PPIP5K2: variants seen among roughly 807,000 people sequenced by gnomAD.
PPIP5K2 encodes inositol hexakisphosphate and diphosphoinositol-pentakisphosphate kinase 2.
A neutral mutation model predicts 154.6 loss-of-function variants in PPIP5K2; 105 were observed. The ratio of observed to expected loss-of-function variants is 0.68; its 90% CI spans 0.58 to 0.80. The LOEUF (loss-of-function observed/expected upper bound fraction) is 0.80, where lower values mean the gene tolerates loss of function less well. Among genes scored for constraint, PPIP5K2 ranks in the 30% least tolerant of loss-of-function variants. The pLI, the probability that PPIP5K2 is intolerant of heterozygous loss-of-function variation, is 0.00. For synonymous variants in PPIP5K2, 480 were observed against 490.3 expected (o/e 0.98, Z 0.28); for missense variants, 992 against 1,504.6 (o/e 0.66, Z 5.64).
rs562284417 is a variant in PPIP5K2, at chr5:103,143,467, G to A, written c.488-3060G>A. Among the ~76,000 whole-genome samples, 28 of 152,306 alleles carry A rather than the reference G, an allele frequency of 1.8e-4. No individual in the cohort carries two copies. The South Asian group carries it at 5.2e-3, about 28-fold the overall frequency. On this transcript the variant is annotated intron_variant, in intron 5 of 30. Transcript: ENST00000358359. ...CTCCAGAAGTGCTGGGGACCATCAT[G>A]CCCCGGCAGAAAATCACTTTGCCAC... is the stretch of plus-strand genomic sequence containing the variant.
Position 103,205,314 on chromosome 5 carries a change from G to A in PPIP5K2, c.*3680G>A, listed in dbSNP as rs1803450369. ...TGCCACAATAAACATACGTGTGCATGTGTCTTTATAGTGGCATGATTTATA... is the reference window on the plus strand; with the variant it reads ...TGCCACAATAAACATACGTGTGCATATGTCTTTATAGTGGCATGATTTATA... On this transcript the variant is annotated 3_prime_UTR_variant, in exon 31 of 31. Transcript: ENST00000358359. 1 of 152,188 alleles carries A rather than the reference G, an allele frequency of 6.6e-6. No individual in the cohort carries two copies. Among genetic ancestry groups the A allele is most frequent in the Admixed American group, 6.5e-5 (1 of 15,278 alleles). The allele number at this position is 152,188 out of a possible 1,614,324, so 9.4% of individuals were successfully genotyped here.
chr5:103,206,076 G>A lies in PPIP5K2; in HGVS notation c.*4442G>A, dbSNP rs1294520194. ...TGCTTTAAAATTCTTTTGTCTTTCT[G>A]TAACAATACTTTCCACTGCAAGTAG... On this transcript the variant is annotated 3_prime_UTR_variant, in exon 31 of 31. Transcript: ENST00000358359. 3 of 151,998 alleles carry A rather than the reference G, an allele frequency of 2.0e-5. No homozygotes were observed. Among genetic ancestry groups the A allele is most frequent in the East Asian group, 3.9e-4 (2 of 5,190 alleles). 9.4% of individuals were successfully genotyped at this position (151,998 alleles called of 1,614,324 possible). A position where few individuals can be genotyped will look rare whatever the true frequency, so the allele number is the denominator to read the frequency against.
chr5:103,147,501 T>C (rs912046485), intron 6 of PPIP5K2, among the ~76,000 whole-genome samples: 6 of 151,998 alleles, frequency 3.9e-5, no homozygotes, highest in Non-Finnish European at 8.8e-5. Flanking sequence ...GAAACACTCA[T>C]ACATGTTTGC....
At chr5:103,187,495 G>A in intron 28 of PPIP5K2, 119 bp downstream of exon 28, 1 of 765,012 alleles carries the variant, frequency 1.3e-6, no homozygotes, top group Non-Finnish European at 2.0e-6. Context: ...ATGTCAATTG[G>A]CGTACAATTC....
In PPIP5K2 at chr5:103,201,535, T is replaced by C; in HGVS notation, c.3633T>C (p.Pro1211=). The change falls in exon 31 of 31, where the codon CCT becomes CCC. Residue 1211 remains proline, a synonymous_variant. Transcript: ENST00000358359. ...TGTTTTATGTAGCTACAAGTGGACC[T>C]TCTAGTGCAGTTGTTCCTAATACCT... is the stretch of plus-strand genomic sequence containing the variant. ...KASSKPATSG[P]SSAVVPNTSS... The C allele has an allele frequency of 6.3e-7, 1 of 1,599,646 alleles. No individual in the cohort carries two copies. The highest frequency in any genetic ancestry group is 8.5e-7 in the Non-Finnish European group (1 of 1,174,050).
In PPIP5K2 at chr5:103,201,887, T is replaced by C; in HGVS notation, c.*253T>C. 5.4e-6 allele frequency: 2 copies of C among 367,516 alleles called. No homozygotes were observed. The highest frequency in any genetic ancestry group is 9.9e-6 in the Non-Finnish European group (2 of 201,766). The allele number at this position is 367,516 out of a possible 1,614,324, so 22.8% of individuals were successfully genotyped here. ...GATGTTTACCATGTGCACATAGTAATGAAAAGGAACATAAAAGCCCAGCAG... is the reference window on the plus strand; with the variant it reads ...GATGTTTACCATGTGCACATAGTAACGAAAAGGAACATAAAAGCCCAGCAG... On this transcript the variant is annotated 3_prime_UTR_variant, in exon 31 of 31. Coordinates refer to ENST00000358359, the MANE Select transcript of PPIP5K2 (RefSeq NM_001276277.3).
chr5:103,159,029 T>G (rs1554214716), intron 16 of PPIP5K2, 117 bp from the exon 17 acceptor site: 46 of 689,896 alleles, frequency 6.7e-5, no homozygotes, highest in Middle Eastern at 4.1e-4. Flanking sequence ...ACTGTAGTAT[T>G]AATAAAGTTT....
intron 14 of PPIP5K2, among the ~76,000 whole-genome samples, chr5:103,156,738 A>G (rs2149597394): frequency 6.6e-6 from 1 of 152,302 alleles, no homozygotes; most frequent in Non-Finnish European, 1.5e-5. Context: ...GCAATATATC[A>G]AAAACTTCAG....
intron 30 of PPIP5K2, 126 bp from the exon 31 acceptor site, chr5:103,201,396 T>C (rs1286313968): frequency 5.0e-6 from 3 of 603,986 alleles, no homozygotes; most frequent in Non-Finnish European, 8.4e-6. Context: ...TATATTAAAT[T>C]TTTACATTTC....
At chr5:103,171,877 T>G (rs1420649599) in intron 19 of PPIP5K2, among the ~76,000 whole-genome samples, 2 of 151,642 alleles carry the variant, frequency 1.3e-5, no homozygotes, top group African/African-American at 4.8e-5. Context: ...AGAACTTCTT[T>G]CCATGCCAAT....
At chr5:103,152,578 C>T in intron 9 of PPIP5K2, 70 bp from the exon 10 acceptor site, 1 of 884,470 alleles carries the variant, frequency 1.1e-6, no homozygotes, top group South Asian at 1.5e-5. Flanking sequence ...GATTCTCTCT[C>T]ATCCTCATTA....
intron 10 of PPIP5K2, among the ~76,000 whole-genome samples, chr5:103,153,002 G>T (rs78716769): frequency 1.3e-5 from 2 of 151,680 alleles, no homozygotes; most frequent in Middle Eastern, 3.2e-3. Context: ...GGTACCAATA[G>T]GAATGTTACT....
chr5:103,141,228 G>T (rs1554206616), intron 5 of PPIP5K2, among the ~76,000 whole-genome samples: 1 of 152,130 alleles, frequency 6.6e-6, no homozygotes, highest in Admixed American at 6.5e-5. Context: ...AGACCCTCGC[G>T]GTGAGTGTTA....
At chr5:103,168,370 G>A in intron 19 of PPIP5K2, 75 bp downstream of exon 19, 1 of 1,203,120 alleles carries the variant, frequency 8.3e-7, no homozygotes, top group Non-Finnish European at 1.2e-6. Context: ...TGGATAAAAA[G>A]GTAGTTGGTT....
At position 103,201,686 on chromosome 5, in the gene PPIP5K2, A is replaced by G. The variant is rs1803049637; in HGVS notation, c.*52A>G. 2 of 1,259,846 alleles carry G rather than the reference A, an allele frequency of 1.6e-6. No homozygotes were observed. Among genetic ancestry groups the G allele is most frequent in the Non-Finnish European group, 2.2e-6 (2 of 898,574 alleles). 78.0% of individuals were successfully genotyped at this position (1,259,846 alleles called of 1,614,324 possible). ...ATACTTATAAAAATAGTATGTTCTT[A>G]TGTTTCTCCTTATGCATTTATGTGT... On this transcript the variant is annotated 3_prime_UTR_variant, in exon 31 of 31. Transcript: ENST00000358359.
At chr5:103,142,955 C>T (rs1043546178) in intron 5 of PPIP5K2, among the ~76,000 whole-genome samples, 2 of 151,808 alleles carry the variant, frequency 1.3e-5, no homozygotes, top group Non-Finnish European at 2.9e-5. Flanking sequence ...CAACTTTTTA[C>T]GAGTATAGAA....
At chr5:103,123,869 A>G (rs1554199839) in intron 1 of PPIP5K2, among the ~76,000 whole-genome samples, 3 of 152,336 alleles carry the variant, frequency 2.0e-5, no homozygotes, top group East Asian at 3.9e-4. Flanking sequence ...ACATTGATCA[A>G]AATGCTAAAT....
chr5:103,170,685 G>T (rs1458760854), intron 19 of PPIP5K2, among the ~76,000 whole-genome samples: 3 of 150,458 alleles, frequency 2.0e-5, no homozygotes, highest in Non-Finnish European at 3.0e-5. Flanking sequence ...TGTTGAATCA[G>T]TTCAATAAAT....
intron 29 of PPIP5K2, among the ~76,000 whole-genome samples, chr5:103,194,086 C>A (rs1801680006): frequency 6.6e-6 from 1 of 152,030 alleles, no homozygotes; most frequent in Admixed American, 6.6e-5. Context: ...GTTTAGTATA[C>A]CATTATATTT....
Sources: gnomAD v4.1 joint callset for allele counts (sites outside exome capture counted in the v4.1 genomes callset) on GRCh38, gnomAD v4.1.1 for gene constraint, MANE v1.5 for transcripts, NCBI Gene and HGNC (gene_info 2026-07-23, HGNC 2026-07-21) for gene names.